Variants in CCSER1 observed in about 807,000 individuals in gnomAD.
CCSER1 encodes serine-rich coiled-coil domain-containing protein 1.
Under a neutral mutation model 82.0 loss-of-function variants are expected in CCSER1, and 41 were observed. The ratio of observed to expected loss-of-function variants is 0.50; its 90% CI spans 0.39 to 0.65. The LOEUF (loss-of-function observed/expected upper bound fraction) is 0.65, where lower values mean the gene tolerates loss of function less well. Among genes scored for constraint, CCSER1 ranks in the 30% least tolerant of loss-of-function variants. The pLI, the probability that CCSER1 is intolerant of heterozygous loss-of-function variation, is 0.00. For missense variants in CCSER1, 1,119 were observed against 1,064.2 expected (o/e 1.05, Z -0.72); for synonymous variants, 414 against 383.9 (o/e 1.08, Z -0.92).
At chr4:91,496,618 GAATATATATTTGAATATATATATATTC>G (rs1377555641) in intron 10 of CCSER1, among the ~76,000 whole-genome samples, 1 of 9,684 alleles carries the variant, frequency 1.0e-4, no homozygotes, top group South Asian at 6.3e-3. Flanking sequence ...ATATATACAC[GAATATATATTTGAATATATATATATTC>G]AATATATATT....
chr4:91,321,165 G>T (rs1373094900), intron 10 of CCSER1, among the ~76,000 whole-genome samples: 1 of 152,078 alleles, frequency 6.6e-6, no homozygotes, highest in Admixed American at 6.6e-5. Context: ...TTCCGTAAGT[G>T]TTTCTACGCT....
chr4:90,536,696 G>A (rs1466790662), intron 5 of CCSER1, among the ~76,000 whole-genome samples: 3 of 152,188 alleles, frequency 2.0e-5, no homozygotes, highest in African/African-American at 7.2e-5. Context: ...TGAAGATCTG[G>A]CTTACATCCC....
At chr4:90,533,429 C>T (rs1012202541) in intron 5 of CCSER1, among the ~76,000 whole-genome samples, 2 of 152,180 alleles carry the variant, frequency 1.3e-5, no homozygotes, top group Admixed American at 1.3e-4. Flanking sequence ...CAGATTGTCT[C>T]ACTGTGCTTC....
At chr4:90,308,220 T>A in intron 1 of CCSER1, 24 bp from the exon 2 acceptor site, 2 of 1,436,786 alleles carry the variant, frequency 1.4e-6, no homozygotes, top group African/African-American at 2.9e-5. Context: ...ATTGACTTGT[T>A]GTTTTTGTTT....
intron 1 of CCSER1, among the ~76,000 whole-genome samples, chr4:90,265,058 A>C (rs1287361782): frequency 6.6e-6 from 1 of 151,970 alleles, no homozygotes; most frequent in Non-Finnish European, 1.5e-5. Context: ...TGTATCTCAG[A>C]TAGCTTATGT....
chr4:91,447,195 G>A (rs1922233), intron 10 of CCSER1, among the ~76,000 whole-genome samples: 123,951 of 152,024 alleles, frequency 0.82, 50,832 homozygotes, highest in East Asian at 0.92. Flanking sequence ...AGTGACTTTT[G>A]AGGTTACACA....
At position 90,524,527 on chromosome 4, in the gene CCSER1, G is replaced by A. The variant is rs1157323506; in HGVS notation, c.1724+56173G>A. On this transcript the variant is annotated intron_variant, in intron 5 of 10. Coordinates refer to ENST00000509176, the MANE Select transcript of CCSER1 (RefSeq NM_001145065.2). ...CTCTGTTGCCAGGCTGGAGTGCAGTGGTGTGATCTTGGCTCACTGCAACCT... is the reference window on the plus strand; with the variant it reads ...CTCTGTTGCCAGGCTGGAGTGCAGTAGTGTGATCTTGGCTCACTGCAACCT... Among the ~76,000 whole-genome samples, 3 of 152,124 alleles carry A rather than the reference G, an allele frequency of 2.0e-5. No homozygotes were observed. The East Asian group carries it at 5.8e-4, about 29-fold the overall frequency.
intron 1 of CCSER1, among the ~76,000 whole-genome samples, chr4:90,271,428 G>A (rs1726253653): frequency 6.6e-6 from 1 of 152,080 alleles, no homozygotes; most frequent in Non-Finnish European, 1.5e-5. Context: ...GGGAAGACTG[G>A]ATGTCCATAT....
intron 4 of CCSER1, among the ~76,000 whole-genome samples, chr4:90,453,700 G>T (rs1761793194): frequency 6.6e-6 from 1 of 152,154 alleles, no homozygotes; most frequent in Non-Finnish European, 1.5e-5. Context: ...TGGGCTTTCA[G>T]GCATGATTAG....
rs138643542 is a variant in CCSER1 at position 91,167,255 on chromosome 4, C to T, written c.2217+81261C>T. Among the ~76,000 whole-genome samples, 244 of 143,878 alleles carry T rather than the reference C, an allele frequency of 1.7e-3. 2 individuals are homozygous for T. The East Asian group carries it at 0.045, about 27-fold the overall frequency. 94.4% of individuals were successfully genotyped at this position (143,878 alleles called of 152,430 possible). ...AGACTAGAGTGCATTGGCGCGATCT[C>T]GGCTCACTGTAACCTTTGCCTCGTG... On this transcript the variant is annotated intron_variant, in intron 10 of 10. Coordinates refer to ENST00000509176, the MANE Select transcript of CCSER1 (RefSeq NM_001145065.2).
chr4:90,965,870 C>T (rs555136111), intron 9 of CCSER1, among the ~76,000 whole-genome samples: 27 of 152,020 alleles, frequency 1.8e-4, no homozygotes, highest in African/African-American at 4.3e-4. Context: ...AAGAACTAAA[C>T]GAAAGTGCTT....
intron 10 of CCSER1, among the ~76,000 whole-genome samples, chr4:91,402,802 G>A (rs905561100): frequency 6.6e-6 from 1 of 152,176 alleles, no homozygotes; most frequent in Non-Finnish European, 1.5e-5. Flanking sequence ...CTGTAGCCTT[G>A]TAGTATAGTT....
At chr4:90,590,341 A>G (rs1438113407) in intron 5 of CCSER1, among the ~76,000 whole-genome samples, 1 of 152,076 alleles carries the variant, frequency 6.6e-6, no homozygotes, top group East Asian at 1.9e-4. Context: ...GCACTTTGGG[A>G]GGCCAAGGTG....
chr4:90,683,347 G>C (rs552658793), intron 6 of CCSER1, among the ~76,000 whole-genome samples: 1 of 152,020 alleles, frequency 6.6e-6, no homozygotes, highest in Admixed American at 6.6e-5. Flanking sequence ...TAAATATCCT[G>C]TCTTAAAGAG....
At chr4:90,407,956 G>A (rs189861507) in intron 4 of CCSER1, among the ~76,000 whole-genome samples, 105 of 152,310 alleles carry the variant, frequency 6.9e-4, no homozygotes, top group African/African-American at 2.4e-3. Context: ...CTTTTCCAAC[G>A]GGCCTAACAA....
At position 91,169,971 on chromosome 4, in the gene CCSER1, C is replaced by G. The variant is rs557564201; in HGVS notation, c.2217+83977C>G. Among the ~76,000 whole-genome samples, 3 of 152,250 alleles carry G rather than the reference C, an allele frequency of 2.0e-5. No individual in the cohort carries two copies. In the South Asian group the frequency reaches 6.2e-4, roughly 32 times the overall value. On this transcript the variant is annotated intron_variant, in intron 10 of 10. Coordinates refer to ENST00000509176, the MANE Select transcript of CCSER1 (RefSeq NM_001145065.2). ...TCCCACTGTTGTAGTCACTATGGGT[C>G]AAATACAAGTTGAAACCTCTTTTAA...
intron 1 of CCSER1, among the ~76,000 whole-genome samples, chr4:90,219,791 G>T (rs1281261242): frequency 6.6e-6 from 1 of 152,116 alleles, no homozygotes; most frequent in Non-Finnish European, 1.5e-5. Flanking sequence ...TACCTTGTAA[G>T]TATCCCATGC....
At chr4:91,445,865 GT>G (rs1055822120) in intron 10 of CCSER1, among the ~76,000 whole-genome samples, 6 of 151,006 alleles carry the variant, frequency 4.0e-5, no homozygotes, top group Admixed American at 6.6e-5. Flanking sequence ...AAAATAGTGG[GT>G]TTTTTTTTCT....
At chr4:90,207,604 G>A (rs1739127560) in intron 1 of CCSER1, among the ~76,000 whole-genome samples, 1 of 152,228 alleles carries the variant, frequency 6.6e-6, no homozygotes, top group Middle Eastern at 3.4e-3. Flanking sequence ...CAGCGTTTTT[G>A]TGCTGGTTTT....
Sources: allele counts gnomAD v4.1 joint callset (sites outside exome capture counted in the v4.1 genomes callset), GRCh38; gene constraint gnomAD v4.1.1; transcripts MANE v1.5; gene names NCBI Gene and HGNC (gene_info 2026-07-23, HGNC 2026-07-21).